The following KCNIP4 variants were observed in gnomAD, a reference collection of about 807,000 sequenced individuals.
KCNIP4 encodes the protein potassium voltage-gated channel interacting protein 4, also known as Kv channel-interacting protein 4.
A neutral mutation model predicts 34.0 loss-of-function variants in KCNIP4; 12 were observed. The observed-to-expected ratio is 0.35, with a 90% CI of 0.23 to 0.57. The LOEUF is 0.57. Ranked by LOEUF, KCNIP4 falls within the 20% of genes least tolerant of loss-of-function variation. The pLI, the probability that KCNIP4 is intolerant of heterozygous loss-of-function variation, is 0.83. For missense variants in KCNIP4, 238 were observed against 311.7 expected (o/e 0.76, Z 1.78); for synonymous variants, 124 against 102.2 (o/e 1.21, Z -1.29).
chr4:21,086,302 A>G (rs757176322), intron 1 of KCNIP4, among the ~76,000 whole-genome samples: 18 of 152,206 alleles, frequency 1.2e-4, no homozygotes, highest in Non-Finnish European at 1.8e-4. Flanking sequence ...CTCTAGTTCC[A>G]CTTCCTGTCA....
chr4:21,581,148 G>A (rs1338537044), intron 1 of KCNIP4, among the ~76,000 whole-genome samples: 1 of 151,908 alleles, frequency 6.6e-6, no homozygotes, highest in Non-Finnish European at 1.5e-5. Flanking sequence ...ATTTCTGAAA[G>A]GTTTAGGTGA....
intron 1 of KCNIP4, among the ~76,000 whole-genome samples, chr4:21,003,247 C>T (rs1560637105): frequency 6.6e-6 from 1 of 152,184 alleles, no homozygotes; most frequent in African/African-American, 2.4e-5. Flanking sequence ...CTGCTCCTCC[C>T]TTTCTACCAA....
chr4:21,590,108 T>C (rs1195199811), intron 1 of KCNIP4, among the ~76,000 whole-genome samples: 2 of 151,890 alleles, frequency 1.3e-5, no homozygotes, highest in East Asian at 1.9e-4. Flanking sequence ...AGTGGTATTA[T>C]GAAAAAAGTA....
At chr4:21,419,859 G>A (rs1005157838) in intron 1 of KCNIP4, among the ~76,000 whole-genome samples, 1 of 152,154 alleles carries the variant, frequency 6.6e-6, no homozygotes, top group African/African-American at 2.4e-5. Flanking sequence ...TGCAGAAATT[G>A]TACTGGCGAC....
intron 1 of KCNIP4, among the ~76,000 whole-genome samples, chr4:20,993,795 C>T (rs143649624): frequency 2.1e-4 from 32 of 152,268 alleles, no homozygotes; most frequent in South Asian, 1.9e-3. Context: ...TATTATGTTA[C>T]GGTTCTGGAA....
chr4:21,115,686 TG>T (rs1474497244), intron 1 of KCNIP4, among the ~76,000 whole-genome samples: 2 of 152,118 alleles, frequency 1.3e-5, no homozygotes, highest in Non-Finnish European at 2.9e-5. Flanking sequence ...AATGATAAAT[TG>T]GATTTTTAGC....
At chr4:21,392,401 C>G (rs1011403606) in intron 1 of KCNIP4, among the ~76,000 whole-genome samples, 4 of 152,154 alleles carry the variant, frequency 2.6e-5, no homozygotes, top group Admixed American at 6.6e-5. Flanking sequence ...CATTAGTAAA[C>G]TATAAAGATT....
intron 2 of KCNIP4, among the ~76,000 whole-genome samples, chr4:20,865,379 T>C (rs1722770513): frequency 6.6e-6 from 1 of 152,078 alleles, no homozygotes; most frequent in South Asian, 2.1e-4. Context: ...TACTTTATTT[T>C]AGAAGGTAAC....
At chr4:20,953,960 C>G (rs1270833962) in intron 1 of KCNIP4, among the ~76,000 whole-genome samples, 2 of 152,088 alleles carry the variant, frequency 1.3e-5, no homozygotes, top group African/African-American at 4.8e-5. Flanking sequence ...GAAACACTTC[C>G]CTGTGTTTTT....
At chr4:21,908,649 A>G (rs150242087) in intron 1 of KCNIP4, among the ~76,000 whole-genome samples, 1 of 152,348 alleles carries the variant, frequency 6.6e-6, no homozygotes, top group Non-Finnish European at 1.5e-5. Flanking sequence ...GTTCCCAACA[A>G]TAATGAGATT....
chr4:20,889,704 C>T (rs1725701148), intron 1 of KCNIP4, among the ~76,000 whole-genome samples: 1 of 143,240 alleles, frequency 7.0e-6, no homozygotes, highest in South Asian at 2.2e-4. Context: ...CAACCTAATT[C>T]TTTTTAATTT....
At chr4:21,687,296 A>G (rs1326525831) in intron 1 of KCNIP4, among the ~76,000 whole-genome samples, 1 of 149,148 alleles carries the variant, frequency 6.7e-6, no homozygotes, top group Non-Finnish European at 1.5e-5. Flanking sequence ...ATGTGCACAT[A>G]TACCCTAAAA....
chr4:20,766,085 A>G lies in KCNIP4; in HGVS notation c.289-7195T>C, dbSNP rs145884612. ...TGATGATATTAAGCTAATACACATGAGCACTTTTTATGTTCCAACCCTTGC... is the reference window on the plus strand; with the variant it reads ...TGATGATATTAAGCTAATACACATGGGCACTTTTTATGTTCCAACCCTTGC... On this transcript the variant is annotated intron_variant, in intron 3 of 8. Coordinates refer to ENST00000382152, the MANE Select transcript of KCNIP4 (RefSeq NM_025221.6). Among the ~76,000 whole-genome samples, 521 of 152,290 alleles carry G rather than the reference A, an allele frequency of 3.4e-3. 4 individuals carry two copies. The highest frequency in any genetic ancestry group is 4.8e-3 in the Non-Finnish European group (328 of 68,020).
intron 1 of KCNIP4, among the ~76,000 whole-genome samples, chr4:21,934,955 C>T (rs1729771991): frequency 1.3e-5 from 2 of 152,114 alleles, no homozygotes; most frequent in African/African-American, 4.8e-5. Context: ...GCTTTTGACC[C>T]TATGTGCATG....
chr4:20,910,923 C>T (rs1170366197), intron 1 of KCNIP4, among the ~76,000 whole-genome samples: 8 of 152,156 alleles, frequency 5.3e-5, no homozygotes, highest in Admixed American at 3.9e-4. Context: ...CCTCCTTTAA[C>T]ATAAGAACTT....
intron 1 of KCNIP4, among the ~76,000 whole-genome samples, chr4:21,011,230 C>T (rs902297524): frequency 6.6e-6 from 1 of 152,200 alleles, no homozygotes; most frequent in Non-Finnish European, 1.5e-5. Flanking sequence ...TTTAGAAGTG[C>T]TGTTTCTACC....
At position 21,458,526 on chromosome 4, in the gene KCNIP4, T is replaced by G. The variant is rs187255881; in HGVS notation, c.61+490045A>C. 1.3e-3 allele frequency among the ~76,000 whole-genome samples: 195 copies of G among 152,150 alleles called. 1 individual carries two copies. The highest frequency in any genetic ancestry group is 4.2e-3 in the African/African-American group (176 of 41,518). ...CCACCGAATAGCTCCCACCTATGAC[T>G]GAAATCAGTGAGCACTTCACAAAGA... On this transcript the variant is annotated intron_variant, in intron 1 of 8. Coordinates refer to ENST00000382152, the MANE Select transcript of KCNIP4 (RefSeq NM_025221.6).
intron 1 of KCNIP4, among the ~76,000 whole-genome samples, chr4:21,324,346 C>A (rs1406248687): frequency 2.6e-5 from 4 of 151,922 alleles, no homozygotes; most frequent in Non-Finnish European, 4.4e-5. Context: ...GGGGAATTTT[C>A]TCAACATTTT....
intron 1 of KCNIP4, among the ~76,000 whole-genome samples, chr4:21,015,532 A>C (rs1180711012): frequency 1.5e-5 from 2 of 135,168 alleles, no homozygotes; most frequent in East Asian, 2.0e-4. Context: ...TATAATATAT[A>C]ATATATTATA....
Sources: gnomAD v4.1 joint callset for allele counts (sites outside exome capture counted in the v4.1 genomes callset) on GRCh38, gnomAD v4.1.1 for gene constraint, MANE v1.5 for transcripts, NCBI Gene and HGNC (gene_info 2026-07-23, HGNC 2026-07-21) for gene names.